Variants in NRXN3 observed in about 807,000 individuals in gnomAD.
NRXN3 encodes the protein neurexin III.
A neutral mutation model predicts 137.6 loss-of-function variants in NRXN3; 32 were observed. The ratio of observed to expected loss-of-function variants is 0.23; its 90% CI spans 0.18 to 0.31. NRXN3 has a LOEUF of 0.31. Among genes scored for constraint, NRXN3 ranks in the 10% least tolerant of loss-of-function variants. The pLI, the probability that NRXN3 is intolerant of heterozygous loss-of-function variation, is 1.00. For missense variants in NRXN3, 1,574 were observed against 2,062.5 expected (o/e 0.76, Z 4.59); for synonymous variants, 798 against 784.5 (o/e 1.02, Z -0.29).
At chr14:79,779,398 C>A (rs1474063603) in intron 19 of NRXN3, among the ~76,000 whole-genome samples, 2 of 152,182 alleles carry the variant, frequency 1.3e-5, no homozygotes, top group Non-Finnish European at 2.9e-5. Context: ...CAGGCGTGAG[C>A]CACCATGCCC....
intron 4 of NRXN3, among the ~76,000 whole-genome samples, chr14:78,434,881 G>C (rs2153690938): frequency 6.6e-6 from 1 of 152,268 alleles, no homozygotes; most frequent in African/African-American, 2.4e-5. Context: ...GAGAAGAGAG[G>C]GAAACAGAGG....
At chr14:78,314,893 C>T (rs1157719135) in intron 4 of NRXN3, among the ~76,000 whole-genome samples, 215 of 82,100 alleles carry the variant, frequency 2.6e-3, no homozygotes, top group African/African-American at 0.011. Context: ...TTCTTTCTTT[C>T]TCTTTCTTTC....
rs1310937678 is a variant in NRXN3 at position 78,225,982 on chromosome 14, T to TTG, written c.-703-16409_-703-16408insTG. 8.6e-3 allele frequency among the ~76,000 whole-genome samples: 1,178 copies of TTG among 136,258 alleles called. 13 individuals are homozygous for TTG. The highest frequency in any genetic ancestry group is 0.034 in the African/African-American group (1,096 of 32,460). The allele number at this position is 136,258 out of a possible 152,430, so 89.4% of individuals were successfully genotyped here. A position where few individuals can be genotyped will look rare whatever the true frequency, so the allele number is the denominator to read the frequency against. ...GTGTGTGTGTGTGTGTTGGTGTGTGTGTGTGTGTGTGTGTGTGTGTGTGTG... is the reference window on the plus strand; with the variant it reads ...GTGTGTGTGTGTGTGTTGGTGTGTGTTGGTGTGTGTGTGTGTGTGTGTGTGTG... On this transcript the variant is annotated intron_variant, in intron 1 of 20. Coordinates refer to ENST00000335750, the MANE Select transcript of NRXN3 (RefSeq NM_001330195.2).
At chr14:78,911,983 A>T (rs1028664738) in intron 10 of NRXN3, among the ~76,000 whole-genome samples, 4 of 151,584 alleles carry the variant, frequency 2.6e-5, no homozygotes, top group Admixed American at 2.6e-4. Context: ...GGTTTGTTAC[A>T]TATGTATACA....
intron 17 of NRXN3, among the ~76,000 whole-genome samples, chr14:79,667,400 T>C (rs1455484086): frequency 2.0e-5 from 3 of 152,084 alleles, no homozygotes; most frequent in Non-Finnish European, 2.9e-5. Flanking sequence ...GAATTGTTCC[T>C]GCCTACAAGG....
chr14:78,289,943 AATGGTAGCTCTC>A (rs111754589), intron 3 of NRXN3, among the ~76,000 whole-genome samples: 2,347 of 152,248 alleles, frequency 0.015, 57 homozygotes, highest in African/African-American at 0.049. Context: ...AAAACTGCTC[AATGGTAGCTCTC>A]ATGTTCTTAC....
At chr14:79,140,504 A>T (rs541006467) in intron 15 of NRXN3, among the ~76,000 whole-genome samples, 3 of 152,102 alleles carry the variant, frequency 2.0e-5, no homozygotes, top group African/African-American at 7.2e-5. Flanking sequence ...CCTCCTGAGT[A>T]TAAGTGGATA....
intron 15 of NRXN3, among the ~76,000 whole-genome samples, chr14:79,383,186 C>A (rs2094518300): frequency 1.3e-5 from 2 of 152,104 alleles, no homozygotes; most frequent in South Asian, 2.1e-4. Flanking sequence ...AGTGGATGTA[C>A]AAGGGCAAAC....
rs377531270 is a variant in NRXN3 at position 78,507,102 on chromosome 14, C to T, written c.758-138018C>T. Among the ~76,000 whole-genome samples the T allele has an allele frequency of 4.6e-5, 7 of 152,266 alleles. No homozygotes were observed. The East Asian group carries it at 1.4e-3, about 29-fold the overall frequency. ...GACTTCTGGTCAGTGACCTCTTTCA[C>T]AGCTACATGTGGGTGACGCTATGTC... On this transcript the variant is annotated intron_variant, in intron 4 of 20. Coordinates refer to ENST00000335750, the MANE Select transcript of NRXN3 (RefSeq NM_001330195.2).
chr14:78,951,532 C>A (rs534361752), intron 10 of NRXN3, among the ~76,000 whole-genome samples: 12 of 152,256 alleles, frequency 7.9e-5, no homozygotes, highest in African/African-American at 2.9e-4. Flanking sequence ...TCACTCCCTA[C>A]CCCCAACTGC....
At chr14:79,000,666 A>T (rs2099539566) in intron 15 of NRXN3, among the ~76,000 whole-genome samples, 2 of 150,808 alleles carry the variant, frequency 1.3e-5, no homozygotes. Flanking sequence ...AAAGTGTGTC[A>T]TCTGGTTAGA....
chr14:78,577,825 C>T (rs2096952340), intron 4 of NRXN3, among the ~76,000 whole-genome samples: 1 of 152,140 alleles, frequency 6.6e-6, no homozygotes, highest in Admixed American at 6.5e-5. Context: ...AATAGTGAAA[C>T]TGACTAATGC....
intron 16 of NRXN3, among the ~76,000 whole-genome samples, chr14:79,579,289 T>G (rs1357333100): frequency 6.7e-6 from 1 of 149,590 alleles, no homozygotes; most frequent in Non-Finnish European, 1.5e-5. Flanking sequence ...TGCTATCACT[T>G]TTTATTTTAA....
chr14:79,459,170 C>T (rs2096294175), intron 15 of NRXN3, among the ~76,000 whole-genome samples: 1 of 152,032 alleles, frequency 6.6e-6, no homozygotes, highest in Non-Finnish European at 1.5e-5. Flanking sequence ...AGTAGTTTTA[C>T]CTTATTCTAT....
chr14:78,199,532 A>G (rs549168160), intron 1 of NRXN3, among the ~76,000 whole-genome samples: 1 of 152,186 alleles, frequency 6.6e-6, no homozygotes, highest in Non-Finnish European at 1.5e-5. Context: ...TATTACAGAT[A>G]AGGAAACTGG....
intron 19 of NRXN3, 46 bp downstream of exon 19, chr14:79,697,983 G>A (rs2098741430): frequency 8.5e-6 from 13 of 1,524,862 alleles, no homozygotes; most frequent in Non-Finnish European, 1.2e-5. Context: ...TTTTATCTTT[G>A]CAACATTGTT....
chr14:79,490,686 G>T (rs558997632), intron 16 of NRXN3, among the ~76,000 whole-genome samples: 1 of 151,748 alleles, frequency 6.6e-6, no homozygotes, highest in South Asian at 2.1e-4. Flanking sequence ...AGTGGGGGTT[G>T]GGGGAGGTGG....
chr14:79,345,839 G>A (rs1267918333), intron 15 of NRXN3, among the ~76,000 whole-genome samples: 4 of 152,126 alleles, frequency 2.6e-5, no homozygotes, highest in Admixed American at 6.5e-5. Context: ...CATGCTTCCT[G>A]TACGTCCTGC....
intron 19 of NRXN3, among the ~76,000 whole-genome samples, chr14:79,759,416 T>A (rs1251541325): frequency 2.0e-5 from 3 of 151,592 alleles, no homozygotes; most frequent in Non-Finnish European, 2.9e-5. Context: ...TTTCTTCAGT[T>A]ATTGGTCCTA....
Sources: allele counts gnomAD v4.1 joint callset (sites outside exome capture counted in the v4.1 genomes callset), GRCh38; gene constraint gnomAD v4.1.1; transcripts MANE v1.5; gene names NCBI Gene and HGNC (gene_info 2026-07-23, HGNC 2026-07-21).